Variants in SEZ6 observed in about 807,000 individuals in gnomAD.
SEZ6 encodes seizure protein 6 homolog.
In SEZ6, 53 loss-of-function variants were observed where a neutral mutation model predicts 101.0. The ratio of observed to expected loss-of-function variants is 0.52; its 90% CI spans 0.42 to 0.66. The LOEUF is 0.66. Among genes scored for constraint, SEZ6 ranks in the 30% least tolerant of loss-of-function variants. The probability of loss-of-function intolerance (pLI) is 0.00; values close to 1 mark genes in which losing one functional copy is unlikely to be tolerated. For synonymous variants in SEZ6, 488 were observed against 512.2 expected (o/e 0.95, Z 0.64); for missense variants, 1,102 against 1,289.4 (o/e 0.85, Z 2.23).
Position 28,959,665 on chromosome 17 carries a change from G to A in SEZ6, c.1771+33C>T, listed in dbSNP as rs761995081. Reference sequence around the variant, plus strand: ...TTCTCCTGGTATGACCCTGCCTTTTGCCCGGTAGGCCCATCCACTGGTGTC... The same window carrying A: ...TTCTCCTGGTATGACCCTGCCTTTTACCCGGTAGGCCCATCCACTGGTGTC... On this transcript the variant is annotated intron_variant, in intron 8 of 16. Coordinates refer to ENST00000317338, the MANE Select transcript of SEZ6 (RefSeq NM_178860.5). This position sits in a 1 kb window ranked among gnomAD's most constrained non-coding sequence, Gnocchi z 4.4. 17 of 1,550,648 alleles carry A rather than the reference G, an allele frequency of 1.1e-5. No homozygotes were observed. The East Asian group carries it at 3.8e-4, about 35-fold the overall frequency.
At chr17:29,006,189 G>A (rs2041689437), upstream of SEZ6, 1 of 222,430 alleles carries the variant, frequency 4.5e-6, no homozygotes, top group Middle Eastern at 1.5e-3. Context: ...ACTCATGTGG[G>A]CACACGGCCC....
intron 1 of SEZ6, among the ~76,000 whole-genome samples, chr17:29,003,203 C>T (rs991669357): frequency 6.6e-6 from 1 of 152,212 alleles, no homozygotes; most frequent in Non-Finnish European, 1.5e-5. Flanking sequence ...ACAGCAGGCT[C>T]GGCACACGCA....
chr17:29,004,746 G>C (rs1043737014), intron 1 of SEZ6, among the ~76,000 whole-genome samples: 1 of 152,118 alleles, frequency 6.6e-6, no homozygotes, highest in South Asian at 2.1e-4. Flanking sequence ...CGGTTCTGCC[G>C]ACCCTACCAG....
chr17:28,986,949 G>C (rs773412358), intron 1 of SEZ6, among the ~76,000 whole-genome samples: 1 of 152,208 alleles, frequency 6.6e-6, no homozygotes, highest in Non-Finnish European at 1.5e-5. Context: ...CCAAGCCTCT[G>C]GCCCCTCTGA....
chr17:28,956,743 A>AGT lies in SEZ6; in HGVS notation c.2706_2707insAC (p.Phe903ThrfsTer40). ...CCATCCAGGCTGCGACTGTTGTAGA[A>AGT]CCCATCCAGAGAGGCTGGAACAAAA... On this transcript the variant is annotated frameshift_variant, in exon 14 of 17. Coordinates refer to ENST00000317338, the MANE Select transcript of SEZ6 (RefSeq NM_178860.5). LOFTEE classifies it high-confidence loss of function. The AGT allele has an allele frequency of 6.4e-7, 1 of 1,563,600 alleles. No individual in the cohort carries two copies. The highest frequency in any genetic ancestry group is 8.7e-7 in the Non-Finnish European group (1 of 1,153,762).
chr17:28,965,443 A>G (rs566987592), intron 4 of SEZ6, among the ~76,000 whole-genome samples: 64 of 152,306 alleles, frequency 4.2e-4, no homozygotes, highest in African/African-American at 1.3e-3. Context: ...GTTCAAGAGC[A>G]GCCTGGGCAA....
At chr17:28,967,872 C>T (rs529346356) in intron 4 of SEZ6, among the ~76,000 whole-genome samples, 7 of 152,218 alleles carry the variant, frequency 4.6e-5, no homozygotes, top group South Asian at 2.1e-4. Context: ...CCATGACAAC[C>T]GTTCCCGGGG....
chr17:28,959,162 C>G lies in SEZ6; in HGVS notation c.1970G>C (p.Arg657Pro). The part of the protein sequence containing the change: ...TFYDGDDLTA[R>P]VLGQYSGPRS... ...GGGCCCTGAGTACTGGCCCAGAACC[C>G]GGGCCGTCAGGTCATCCCCATCATA... The change falls in exon 10 of 17, where the codon CGG (arginine) becomes CCG (proline). Residue 657 changes from arginine to proline, a missense_variant. By Grantham distance (103) the Arg-to-Pro change is moderately radical (BLOSUM62 -2). Coordinates refer to ENST00000317338, the MANE Select transcript of SEZ6 (RefSeq NM_178860.5). The surrounding 1 kb of genome is among the most constrained non-coding windows in gnomAD (Gnocchi z 4.4). The G allele has an allele frequency of 1.2e-6, 2 of 1,613,650 alleles. No homozygotes were observed. The highest frequency in any genetic ancestry group is 1.7e-6 in the Non-Finnish European group (2 of 1,179,762).
At chr17:28,966,773 A>G (rs942971315) in intron 4 of SEZ6, among the ~76,000 whole-genome samples, 7 of 152,140 alleles carry the variant, frequency 4.6e-5, no homozygotes, top group Non-Finnish European at 1.0e-4. Flanking sequence ...AAAAAGAAAA[A>G]GAAAAAGAGG....
chr17:29,002,470 C>T (rs1354797579), intron 1 of SEZ6, among the ~76,000 whole-genome samples: 1 of 152,196 alleles, frequency 6.6e-6, no homozygotes, highest in Non-Finnish European at 1.5e-5. Flanking sequence ...CCAGGGCCTG[C>T]CAAGCTTAGA....
In SEZ6 at chr17:28,959,217, G is replaced by A. The variant is rs1198944450; in HGVS notation, c.1915C>T (p.Arg639Cys). Residue 639 changes from arginine to cysteine, a missense_variant, in exon 10 of 17, where the codon CGC becomes TGC. By Grantham distance (180) the Arg-to-Cys change is radical (BLOSUM62 -3). Transcript: ENST00000317338. The surrounding 1 kb of genome is among the most constrained non-coding windows in gnomAD (Gnocchi z 4.4). Reference protein sequence around the residue: ...KRIMLDIRVLRIGPGDVLTFY... With the variant: ...KRIMLDIRVLCIGPGDVLTFY... Reference sequence around the variant, plus strand: ...GTAAGCACATCACCAGGGCCTATGCGCAGCCTGTGAAGGAGGAGCGTCAGG... The same window carrying A: ...GTAAGCACATCACCAGGGCCTATGCACAGCCTGTGAAGGAGGAGCGTCAGG... 5.0e-6 allele frequency: 8 copies of A among 1,612,422 alleles called. No homozygotes were observed. In the Admixed American group the frequency reaches 6.7e-5, roughly 13 times the overall value.
At chr17:28,961,617 T>C (rs1254049248) in intron 5 of SEZ6, among the ~76,000 whole-genome samples, 1 of 152,230 alleles carries the variant, frequency 6.6e-6, no homozygotes, top group Non-Finnish European at 1.5e-5. Flanking sequence ...CTGACCTTTC[T>C]AGTGCTGACC....
chr17:28,993,209 C>A (rs1199455036), intron 1 of SEZ6, among the ~76,000 whole-genome samples: 1 of 151,944 alleles, frequency 6.6e-6, no homozygotes, highest in Non-Finnish European at 1.5e-5. Context: ...AGGGCAGAGT[C>A]CTAGGTAGGG....
chr17:28,989,616 G>C (rs761189265), intron 1 of SEZ6, among the ~76,000 whole-genome samples: 1 of 152,178 alleles, frequency 6.6e-6, no homozygotes, highest in African/African-American at 2.4e-5. Flanking sequence ...AGAAAATTAT[G>C]ACAGTGAAAT....
chr17:28,961,666 C>T (rs1258334733), intron 5 of SEZ6, among the ~76,000 whole-genome samples: 1 of 152,194 alleles, frequency 6.6e-6, no homozygotes, highest in Non-Finnish European at 1.5e-5. Flanking sequence ...TAAGGAGAGA[C>T]TGAACAGTTT....
rs184114636 is a variant in SEZ6 at position 28,968,436 on chromosome 17, G to T, written c.1054+1321C>A. Among the ~76,000 whole-genome samples the T allele has an allele frequency of 6.6e-5, 10 of 152,338 alleles. No individual in the cohort carries two copies. The East Asian group carries it at 1.7e-3, about 26-fold the overall frequency. On this transcript the variant is annotated intron_variant, in intron 4 of 16. Coordinates refer to ENST00000317338, the MANE Select transcript of SEZ6 (RefSeq NM_178860.5). ...GTCTGGCCCGACAGAGAGGAGGTCC[G>T]GAGTTTTGTGCAAAGGAATTTGCAG...
At chr17:28,985,911 G>A (rs377582476) in intron 1 of SEZ6, among the ~76,000 whole-genome samples, 1 of 152,226 alleles carries the variant, frequency 6.6e-6, no homozygotes, top group East Asian at 1.9e-4. Flanking sequence ...CCTGGTGCCA[G>A]AACACAGGAT....
intron 1 of SEZ6, among the ~76,000 whole-genome samples, chr17:29,003,429 C>T (rs910631145): frequency 2.6e-5 from 4 of 152,368 alleles, no homozygotes; most frequent in Non-Finnish European, 4.4e-5. Context: ...CCAGGCCTTC[C>T]AAGGCATCTG....
intron 5 of SEZ6, among the ~76,000 whole-genome samples, chr17:28,961,329 TA>T (rs1380553328): frequency 6.6e-6 from 1 of 152,186 alleles, no homozygotes; most frequent in Non-Finnish European, 1.5e-5. Context: ...TAGACTTTAC[TA>T]AAGCCCTTAC....
Sources: allele counts gnomAD v4.1 joint callset (sites outside exome capture counted in the v4.1 genomes callset), GRCh38; gene constraint gnomAD v4.1.1; non-coding constraint Gnocchi (gnomAD v3.1); transcripts MANE v1.5; gene names NCBI Gene and HGNC (gene_info 2026-07-23, HGNC 2026-07-21).